The following GPC6 variants were observed in gnomAD, a reference collection of about 807,000 sequenced individuals.
GPC6 encodes the protein glypican 6.
A neutral mutation model predicts 55.2 loss-of-function variants in GPC6; 14 were observed. That is an observed-to-expected ratio of 0.25 (90% CI 0.17 to 0.40). The LOEUF is 0.40. GPC6 is among the 10% of genes least tolerant of loss of function. The probability of loss-of-function intolerance (pLI) is 1.00; values close to 1 mark genes in which losing one functional copy is unlikely to be tolerated. For missense variants in GPC6, 641 were observed against 708.5 expected, an observed-to-expected ratio of 0.90 and a Z score of 1.08; for synonymous variants, 278 against 259.6, an observed-to-expected ratio of 1.07 and a Z score of -0.68.
intron 4 of GPC6, among the ~76,000 whole-genome samples, chr13:94,106,909 G>A (rs1216227559): frequency 6.6e-6 from 1 of 152,134 alleles, no homozygotes; most frequent in Non-Finnish European, 1.5e-5. Flanking sequence ...GCTGACTTTG[G>A]AAAGCATAAG....
At chr13:93,965,084 A>G (rs181546552) in intron 3 of GPC6, among the ~76,000 whole-genome samples, 58 of 119,990 alleles carry the variant, frequency 4.8e-4, no homozygotes, top group African/African-American at 1.6e-3. Context: ...GTTAGTAAGT[A>G]TTTGGGAAAC....
At chr13:93,471,763 A>T (rs1010154021) in intron 1 of GPC6, among the ~76,000 whole-genome samples, 3 of 152,130 alleles carry the variant, frequency 2.0e-5, no homozygotes, top group Non-Finnish European at 2.9e-5. Flanking sequence ...TAATGACTTC[A>T]AGTGCATTGT....
At chr13:93,657,390 C>T (rs966703609) in intron 2 of GPC6, among the ~76,000 whole-genome samples, 1 of 152,094 alleles carries the variant, frequency 6.6e-6, no homozygotes, top group Non-Finnish European at 1.5e-5. Flanking sequence ...AGATAACCAG[C>T]TAGCCATATG....
At chr13:93,777,375 A>T (rs1227939346) in intron 2 of GPC6, among the ~76,000 whole-genome samples, 1 of 152,196 alleles carries the variant, frequency 6.6e-6, no homozygotes, top group African/African-American at 2.4e-5. Context: ...TTGCCCAGAT[A>T]ACTCTCCTAA....
At chr13:93,555,403 T>C (rs1875407757) in intron 2 of GPC6, among the ~76,000 whole-genome samples, 2 of 152,204 alleles carry the variant, frequency 1.3e-5, no homozygotes, top group South Asian at 4.1e-4. Context: ...TGCTGCAGTG[T>C]TGTGTGACAA....
intron 3 of GPC6, among the ~76,000 whole-genome samples, chr13:93,997,363 A>G (rs1881601534): frequency 6.6e-6 from 1 of 152,130 alleles, no homozygotes; most frequent in African/African-American, 2.4e-5. Flanking sequence ...AAGAAATTGG[A>G]CTTTCTTCTA....
chr13:93,313,609 T>G (rs1879145594), intron 1 of GPC6, among the ~76,000 whole-genome samples: 2 of 152,190 alleles, frequency 1.3e-5, no homozygotes, highest in Non-Finnish European at 2.9e-5. Context: ...AATAGTTTCC[T>G]GTGTATACCC....
chr13:94,196,380 A>G (rs1045141185), intron 4 of GPC6, among the ~76,000 whole-genome samples: 9 of 152,302 alleles, frequency 5.9e-5, no homozygotes, highest in African/African-American at 1.9e-4. Flanking sequence ...AAGATGTTAT[A>G]TTGTAGCTGA....
chr13:93,396,357 G>A (rs1875854940), intron 1 of GPC6, among the ~76,000 whole-genome samples: 1 of 152,094 alleles, frequency 6.6e-6, no homozygotes. Flanking sequence ...GAGGTTAGGA[G>A]TTCGAGACCA....
chr13:94,157,036 G>A (rs1053810095), intron 4 of GPC6, among the ~76,000 whole-genome samples: 10 of 152,176 alleles, frequency 6.6e-5, no homozygotes, highest in East Asian at 5.8e-4. Context: ...TGGGGCAGAC[G>A]TGGATATAAG....
intron 2 of GPC6, among the ~76,000 whole-genome samples, chr13:93,571,979 C>T (rs764811515): frequency 6.6e-6 from 1 of 152,106 alleles, no homozygotes; most frequent in African/African-American, 2.4e-5. Flanking sequence ...TATAACTCTG[C>T]AAAGTGGCAT....
At chr13:94,250,277 G>A (rs907746148) in intron 4 of GPC6, among the ~76,000 whole-genome samples, 1 of 152,148 alleles carries the variant, frequency 6.6e-6, no homozygotes, top group Non-Finnish European at 1.5e-5. Flanking sequence ...GTCCATCTCT[G>A]TGAAATGTAA....
At chr13:93,662,289 G>T (rs1488847375) in intron 2 of GPC6, among the ~76,000 whole-genome samples, 3 of 152,164 alleles carry the variant, frequency 2.0e-5, no homozygotes, top group Admixed American at 2.0e-4. Context: ...AGTACCTATG[G>T]TGGAAGGTAG....
chr13:94,309,125 G>A (rs1211260979), intron 6 of GPC6, among the ~76,000 whole-genome samples: 1 of 152,188 alleles, frequency 6.6e-6, no homozygotes, highest in Non-Finnish European at 1.5e-5. Flanking sequence ...AGAAGCATGT[G>A]TCTGAGAAAA....
chr13:94,232,442 G>A (rs1284213514), intron 4 of GPC6, among the ~76,000 whole-genome samples: 1 of 152,044 alleles, frequency 6.6e-6, no homozygotes, highest in African/African-American at 2.4e-5. Flanking sequence ...CTTTGAGACA[G>A]TGATTGCTTT....
chr13:93,896,924 T>C (rs1301969665), intron 3 of GPC6, among the ~76,000 whole-genome samples: 2 of 150,122 alleles, frequency 1.3e-5, no homozygotes, highest in Admixed American at 6.6e-5. Context: ...TTATAGCTCA[T>C]AATCAACTAT....
chr13:93,350,953 A>G (rs181671273), intron 1 of GPC6, among the ~76,000 whole-genome samples: 101 of 152,262 alleles, frequency 6.6e-4, no homozygotes, highest in African/African-American at 2.4e-3. Context: ...AAAAATTCAC[A>G]GAGGCACAGG....
chr13:93,318,312 A>C (rs1879312858), intron 1 of GPC6, among the ~76,000 whole-genome samples: 1 of 151,680 alleles, frequency 6.6e-6, no homozygotes, highest in Non-Finnish European at 1.5e-5. Flanking sequence ...TAATGGACCA[A>C]GAAGAAAAAA....
chr13:93,466,125 G>A (rs1448691427), intron 1 of GPC6, among the ~76,000 whole-genome samples: 2 of 151,414 alleles, frequency 1.3e-5, no homozygotes, highest in African/African-American at 2.4e-5. Flanking sequence ...ACCAGAATGC[G>A]ACACATAGGC....
Sources: allele counts gnomAD v4.1 joint callset (sites outside exome capture counted in the v4.1 genomes callset), GRCh38; gene constraint gnomAD v4.1.1; transcripts MANE v1.5; gene names NCBI Gene and HGNC (gene_info 2026-07-23, HGNC 2026-07-21).